The following SPON1 variants were observed in gnomAD, a reference collection of about 807,000 sequenced individuals.
The protein encoded by SPON1 is spondin 1.
A neutral mutation model predicts 111.7 loss-of-function variants in SPON1; 52 were observed. The ratio of observed to expected loss-of-function variants is 0.47; its 90% CI spans 0.37 to 0.59. SPON1 has a LOEUF of 0.59. Ranked by LOEUF, SPON1 falls within the 20% of genes least tolerant of loss-of-function variation. The probability of loss-of-function intolerance (pLI) is 0.00; values close to 1 mark genes in which losing one functional copy is unlikely to be tolerated. For missense variants in SPON1, 957 were observed against 1,068.5 expected (o/e 0.90, Z 1.46); for synonymous variants, 410 against 395.8 (o/e 1.04, Z -0.43).
intron 5 of SPON1, among the ~76,000 whole-genome samples, chr11:14,082,710 G>C (rs9299927): frequency 6.6e-6 from 1 of 152,092 alleles, no homozygotes; most frequent in Non-Finnish European, 1.5e-5. Context: ...GGATCTAATC[G>C]GGATCTTGAA....
chr11:14,241,312 C>G (rs189263637), intron 6 of SPON1, among the ~76,000 whole-genome samples: 2 of 152,104 alleles, frequency 1.3e-5, no homozygotes, highest in African/African-American at 4.8e-5. Flanking sequence ...TGATGAGGAC[C>G]CCATAAGCAA....
At chr11:14,209,087 T>A (rs80006480) in intron 6 of SPON1, among the ~76,000 whole-genome samples, 6,677 of 152,200 alleles carry the variant, frequency 0.044, 320 homozygotes, top group East Asian at 0.28. Flanking sequence ...TTGTTGTTGT[T>A]GTTGTTTTCG....
chr11:14,043,252 A>T (rs954291302), intron 3 of SPON1, among the ~76,000 whole-genome samples: 3 of 152,212 alleles, frequency 2.0e-5, no homozygotes, highest in African/African-American at 7.2e-5. Context: ...CTTCTAGTGA[A>T]AACAAGAGAA....
intron 6 of SPON1, among the ~76,000 whole-genome samples, chr11:14,234,002 C>T (rs1052364077): frequency 2.0e-5 from 3 of 152,112 alleles, no homozygotes; most frequent in African/African-American, 4.8e-5. Context: ...TCAGGTGATC[C>T]ATCAACCTTG....
intron 5 of SPON1, among the ~76,000 whole-genome samples, chr11:14,130,956 G>A (rs959127055): frequency 1.3e-5 from 2 of 152,168 alleles, no homozygotes; most frequent in East Asian, 3.9e-4. Context: ...AGAATAACTG[G>A]TATAAGGAGG....
At chr11:14,189,380 C>T (rs1848319575) in intron 6 of SPON1, among the ~76,000 whole-genome samples, 1 of 152,218 alleles carries the variant, frequency 6.6e-6, no homozygotes, top group African/African-American at 2.4e-5. Flanking sequence ...CTGTGTGGCC[C>T]ATATACCAAC....
intron 3 of SPON1, among the ~76,000 whole-genome samples, chr11:14,071,866 T>G (rs1848879755): frequency 6.6e-6 from 1 of 152,042 alleles, no homozygotes; most frequent in South Asian, 2.1e-4. Context: ...GCCCGGCTAA[T>G]TTTTGTATTT....
In SPON1 at chr11:14,101,418, A is replaced by T. The variant is rs528009181; in HGVS notation, c.676+21397A>T. Among the ~76,000 whole-genome samples, 141 of 152,058 alleles carry T rather than the reference A, an allele frequency of 9.3e-4. 1 individual carries two copies. Among genetic ancestry groups the T allele is most frequent in the East Asian group, 4.2e-3 (22 of 5,186 alleles). ...CCATCTCAAAAAATAATAATAATTT[A>T]AAAATAATAATAAAATAATAAAACC... is the stretch of plus-strand genomic sequence containing the variant. On this transcript the variant is annotated intron_variant, in intron 5 of 15. Transcript: ENST00000576479.
At chr11:14,131,979 T>C (rs916394481) in intron 5 of SPON1, among the ~76,000 whole-genome samples, 1 of 152,192 alleles carries the variant, frequency 6.6e-6, no homozygotes, top group African/African-American at 2.4e-5. Flanking sequence ...TCATTAAATG[T>C]GTTAAAAATT....
At chr11:14,129,747 G>A (rs782557885) in intron 5 of SPON1, among the ~76,000 whole-genome samples, 6 of 152,124 alleles carry the variant, frequency 3.9e-5, no homozygotes, top group African/African-American at 1.4e-4. Context: ...AACTACCTGC[G>A]ACTCGGTAAT....
At chr11:14,020,822 C>T (rs1412922268) in intron 2 of SPON1, among the ~76,000 whole-genome samples, 7 of 152,176 alleles carry the variant, frequency 4.6e-5, no homozygotes, top group Non-Finnish European at 7.3e-5. Context: ...AGCTGTGTGA[C>T]CTCAGCTCTC....
chr11:14,189,170 C>A (rs542620845), intron 6 of SPON1, among the ~76,000 whole-genome samples: 27 of 152,292 alleles, frequency 1.8e-4, no homozygotes, highest in African/African-American at 6.5e-4. Flanking sequence ...AAATCAGAAG[C>A]AATTTGAATG....
chr11:14,230,846 T>C (rs1317236606), intron 6 of SPON1, among the ~76,000 whole-genome samples: 1 of 152,164 alleles, frequency 6.6e-6, no homozygotes, highest in Non-Finnish European at 1.5e-5. Flanking sequence ...TAGGGTGCAG[T>C]GGCACAATCA....
chr11:13,978,705 CG>C (rs1848121202), intron 1 of SPON1, among the ~76,000 whole-genome samples: 3 of 152,090 alleles, frequency 2.0e-5, no homozygotes, highest in African/African-American at 7.2e-5. Context: ...ATCACACAAA[CG>C]GTGGAGATTT....
At chr11:14,123,707 G>A (rs1847423343) in intron 5 of SPON1, among the ~76,000 whole-genome samples, 1 of 152,138 alleles carries the variant, frequency 6.6e-6, no homozygotes, top group Admixed American at 6.5e-5. Flanking sequence ...TGGCATTCTA[G>A]CCCATAAATC....
chr11:14,197,524 C>A (rs1405881354), intron 6 of SPON1, among the ~76,000 whole-genome samples: 1 of 120,080 alleles, frequency 8.3e-6, no homozygotes. Flanking sequence ...AATAAATAAA[C>A]AAGTGGGGGC....
intron 3 of SPON1, among the ~76,000 whole-genome samples, chr11:14,062,364 T>C (rs1848797885): frequency 6.6e-6 from 1 of 152,144 alleles, no homozygotes; most frequent in Non-Finnish European, 1.5e-5. Context: ...ACATAAATCA[T>C]AAATATTTAT....
chr11:14,160,491 A>T (rs1414361426), intron 6 of SPON1, among the ~76,000 whole-genome samples: 1 of 11,412 alleles, frequency 8.8e-5, no homozygotes, highest in African/African-American at 2.9e-4. Context: ...TTATATATAT[A>T]TATTTACATA....
intron 2 of SPON1, among the ~76,000 whole-genome samples, chr11:14,014,837 A>C (rs998405994): frequency 2.0e-5 from 3 of 152,248 alleles, no homozygotes; most frequent in Non-Finnish European, 2.9e-5. Context: ...AATTATAAAA[A>C]TAGTACATGC....
Sources: gnomAD v4.1 joint callset for allele counts (sites outside exome capture counted in the v4.1 genomes callset) on GRCh38, gnomAD v4.1.1 for gene constraint, MANE v1.5 for transcripts, NCBI Gene and HGNC (gene_info 2026-07-23, HGNC 2026-07-21) for gene names.